RASAL2: variants seen among roughly 807,000 people sequenced by gnomAD.
RASAL2 encodes the protein ras GTPase-activating protein nGAP.
A neutral mutation model predicts 128.9 loss-of-function variants in RASAL2; 58 were observed. The ratio of observed to expected loss-of-function variants is 0.45; its 90% CI spans 0.36 to 0.56. The LOEUF is 0.56. Among genes scored for constraint, RASAL2 ranks in the 20% least tolerant of loss-of-function variants. The pLI is 0.00. For synonymous variants in RASAL2, 561 were observed against 580.8 expected (o/e 0.97, Z 0.49); for missense variants, 1,360 against 1,601.6 (o/e 0.85, Z 2.57).
chr1:178,365,429 CTGTTATGTTATGTTATGTTATGTTA>C (rs71567192), intron 3 of RASAL2, among the ~76,000 whole-genome samples: 61 of 141,606 alleles, frequency 4.3e-4, no homozygotes, highest in East Asian at 1.5e-3. Flanking sequence ...CTCTAGTTGC[CTGTTATGTTATGTTATGTTATGTTA>C]TGTTATGTTA....
At position 178,210,561 on chromosome 1, in the gene RASAL2, G is replaced by C. The variant is rs190252138; in HGVS notation, c.203-73003G>C. 1.1e-3 allele frequency among the ~76,000 whole-genome samples: 170 copies of C among 152,308 alleles called. 2 individuals carry two copies. The highest frequency in any genetic ancestry group is 2.4e-4 in the Non-Finnish European group (16 of 68,030). On this transcript the variant is annotated intron_variant, in intron 1 of 17. Coordinates refer to ENST00000367649, the MANE Select transcript of RASAL2 (RefSeq NM_170692.4). ...ACCTGCTGTGAAGTGCCACAGAGCT[G>C]TTTAGTCTTATCCTACTTTGCGGGA...
At chr1:178,326,065 C>T (rs571846944) in intron 3 of RASAL2, among the ~76,000 whole-genome samples, 3 of 152,064 alleles carry the variant, frequency 2.0e-5, no homozygotes, top group South Asian at 4.1e-4. Flanking sequence ...ACACTAGCTA[C>T]GATTATGCTA....
At chr1:178,393,388 C>T (rs369469828) in intron 4 of RASAL2, among the ~76,000 whole-genome samples, 1 of 152,198 alleles carries the variant, frequency 6.6e-6, no homozygotes, top group African/African-American at 2.4e-5. Flanking sequence ...AGTAGATTCT[C>T]ATCAGGAACA....
At position 178,419,153 on chromosome 1, in the gene RASAL2, A is replaced by G. The variant is rs115625216; in HGVS notation, c.565-1358A>G. 8.0e-3 allele frequency among the ~76,000 whole-genome samples: 1,219 copies of G among 152,332 alleles called. 10 individuals are homozygous for G. The highest frequency in any genetic ancestry group is 0.01 in the Non-Finnish European group (707 of 68,038). ...GGCCTAGTATTTCTTTTTCTTCATTATAGAAATGTTTATTGTACACAGCTT... is the reference window on the plus strand; with the variant it reads ...GGCCTAGTATTTCTTTTTCTTCATTGTAGAAATGTTTATTGTACACAGCTT... On this transcript the variant is annotated intron_variant, in intron 4 of 17. Transcript: ENST00000367649.
At chr1:178,260,518 G>T (rs948914785) in intron 1 of RASAL2, among the ~76,000 whole-genome samples, 1 of 147,268 alleles carries the variant, frequency 6.8e-6, no homozygotes, top group Admixed American at 6.8e-5. Flanking sequence ...CTTTTGTTAA[G>T]AATTGTAGAG....
chr1:178,248,518 TTTAAC>T (rs1664886983), intron 1 of RASAL2, among the ~76,000 whole-genome samples: 2 of 152,206 alleles, frequency 1.3e-5, no homozygotes, highest in Non-Finnish European at 2.9e-5. Flanking sequence ...GTTTGTGCCT[TTTAAC>T]TGAGACATTT....
rs964499328 is a variant in RASAL2, at chr1:178,212,531, G to A, written c.203-71033G>A. On this transcript the variant is annotated intron_variant, in intron 1 of 17. Transcript: ENST00000367649. ...TTTTGAGACGGAGTCTCACTCTGTC[G>A]CTCAGGCTGGAGTGCAGTGGCATGA... 4.6e-5 allele frequency among the ~76,000 whole-genome samples: 7 copies of A among 151,912 alleles called. No homozygotes were observed. The South Asian group carries it at 6.2e-4, about 14-fold the overall frequency.
chr1:178,464,550 A>G, intron 15 of RASAL2, 138 bp downstream of exon 15: 4 of 867,230 alleles, frequency 4.6e-6, no homozygotes, highest in East Asian at 2.8e-5. Flanking sequence ...ATACATATCT[A>G]TGTAAAATAG....
Position 178,464,367 on chromosome 1 carries a change from G to A in RASAL2, c.3342G>A (p.Val1114=). The change falls in exon 15 of 18, where the codon GTG becomes GTA. Residue 1114 remains valine, a synonymous_variant. Coordinates refer to ENST00000367649, the MANE Select transcript of RASAL2 (RefSeq NM_170692.4). ...VLNNGQYEED[V]EETEQNLDEA... Reference sequence around the variant, plus strand: ...ACAATGGGCAGTATGAAGAGGATGTGGAAGAAACTGAGCAAAATCTAGATG... The same window carrying A: ...ACAATGGGCAGTATGAAGAGGATGTAGAAGAAACTGAGCAAAATCTAGATG... 2 of 1,613,732 alleles carry A rather than the reference G, an allele frequency of 1.2e-6. No individual in the cohort carries two copies. Among genetic ancestry groups the A allele is most frequent in the Non-Finnish European group, 8.5e-7 (1 of 1,179,804 alleles).
At chr1:178,360,088 T>C (rs1671028886) in intron 3 of RASAL2, among the ~76,000 whole-genome samples, 1 of 152,190 alleles carries the variant, frequency 6.6e-6, no homozygotes, top group South Asian at 2.1e-4. Flanking sequence ...CAATCGTTGT[T>C]TACTTTACTT....
chr1:178,326,699 C>T (rs1669055425), intron 3 of RASAL2, among the ~76,000 whole-genome samples: 1 of 152,164 alleles, frequency 6.6e-6, no homozygotes, highest in South Asian at 2.1e-4. Flanking sequence ...CATGTGCCAC[C>T]ATGCCCGGCT....
intron 1 of RASAL2, among the ~76,000 whole-genome samples, chr1:178,178,137 G>A (rs900879534): frequency 5.3e-5 from 8 of 152,050 alleles, no homozygotes; most frequent in Non-Finnish European, 8.8e-5. Flanking sequence ...ACATTTAGAC[G>A]TAAGATCACC....
At chr1:178,378,223 G>A (rs1295368790) in intron 3 of RASAL2, among the ~76,000 whole-genome samples, 2 of 151,718 alleles carry the variant, frequency 1.3e-5, no homozygotes, top group African/African-American at 4.8e-5. Context: ...AAGAAAGCTG[G>A]TGTAGCCAGT....
chr1:178,110,654 G>GTATA (rs1659284920), intron 1 of RASAL2, among the ~76,000 whole-genome samples: 3 of 27,030 alleles, frequency 1.1e-4, no homozygotes, highest in Admixed American at 3.2e-4. Context: ...ATATATATAT[G>GTATA]TATGTATACT....
intron 1 of RASAL2, among the ~76,000 whole-genome samples, chr1:178,179,369 G>A (rs1662008829): frequency 6.6e-6 from 1 of 152,196 alleles, no homozygotes; most frequent in South Asian, 2.1e-4. Context: ...ATTCACACTT[G>A]TATCAGTCTA....
chr1:178,213,319 C>T (rs968637646), intron 1 of RASAL2, among the ~76,000 whole-genome samples: 1 of 152,228 alleles, frequency 6.6e-6, no homozygotes, highest in Non-Finnish European at 1.5e-5. Flanking sequence ...GCAGGGATTA[C>T]AGGCATGAGC....
intron 3 of RASAL2, among the ~76,000 whole-genome samples, chr1:178,368,761 C>A (rs1231027832): frequency 6.6e-6 from 1 of 151,926 alleles, no homozygotes; most frequent in Non-Finnish European, 1.5e-5. Context: ...CCTCAGCCTC[C>A]CAAGTAGCTG....
chr1:178,208,985 T>G (rs1044184386), intron 1 of RASAL2, among the ~76,000 whole-genome samples: 2 of 152,190 alleles, frequency 1.3e-5, no homozygotes, highest in African/African-American at 4.8e-5. Context: ...AAAAGATTTT[T>G]TTTTTTAAAT....
chr1:178,358,184 C>T (rs960286715), intron 3 of RASAL2, among the ~76,000 whole-genome samples: 2 of 138,932 alleles, frequency 1.4e-5, no homozygotes, highest in African/African-American at 5.5e-5. Flanking sequence ...TGCAGTAAGC[C>T]GAGAAGGCGC....
Sources: gnomAD v4.1 joint callset for allele counts (sites outside exome capture counted in the v4.1 genomes callset) on GRCh38, gnomAD v4.1.1 for gene constraint, MANE v1.5 for transcripts, NCBI Gene and HGNC (gene_info 2026-07-23, HGNC 2026-07-21) for gene names.